TBC1D4: variants seen among roughly 807,000 people sequenced by gnomAD.
TBC1D4 encodes TBC1 domain family member 4, also known as TBC (Tre-2, BUB2, CDC16) domain-containing protein.
Under a neutral mutation model 142.5 loss-of-function variants are expected in TBC1D4, and 121 were observed. That is an observed-to-expected ratio of 0.85 (90% CI 0.73 to 0.99). The LOEUF (loss-of-function observed/expected upper bound fraction) is 0.99. Among genes scored for constraint, TBC1D4 ranks in the 50% least tolerant of loss-of-function variants. TBC1D4 has a pLI of 0.00. For missense variants in TBC1D4, 1,475 were observed against 1,606.6 expected (o/e 0.92, Z 1.40); for synonymous variants, 630 against 628.2 (o/e 1.00, Z -0.04).
At chr13:75,302,531 A>G in intron 15 of TBC1D4, 130 bp from the exon 16 acceptor site, 1 of 1,032,226 alleles carries the variant, frequency 9.7e-7, no homozygotes, top group Non-Finnish European at 1.5e-6. Flanking sequence ...AGACCACACA[A>G]TATAATTGAC....
At chr13:75,412,055 G>A (rs1885695597) in intron 1 of TBC1D4, among the ~76,000 whole-genome samples, 1 of 152,182 alleles carries the variant, frequency 6.6e-6, no homozygotes, top group Non-Finnish European at 1.5e-5. Flanking sequence ...GGACAGCAGT[G>A]TTCGCATGTC....
intron 5 of TBC1D4, among the ~76,000 whole-genome samples, chr13:75,347,824 G>T (rs1279372682): frequency 6.6e-6 from 1 of 152,126 alleles, no homozygotes; most frequent in Non-Finnish European, 1.5e-5. Context: ...AATTATAATT[G>T]TTTAAGCCTA....
Position 75,481,714 on chromosome 13 carries a change from G to C in TBC1D4, c.54C>G (p.Pro18=). 1 of 1,595,242 alleles carries C rather than the reference G, an allele frequency of 6.3e-7. No individual in the cohort carries two copies. Among genetic ancestry groups the C allele is most frequent in the Non-Finnish European group, 8.5e-7 (1 of 1,173,262 alleles). The part of the protein sequence containing the change: ...QDEPFPHPLE[P]EPGVSAQPGP... The stretch of plus-strand genomic sequence containing the variant: ...CGGGCTGAGCTGAGACGCCCGGCTC[G>C]GGCTCCAGGGGGTGCGGGAACGGCT... The change falls in exon 1 of 21, where the codon CCC becomes CCG. Residue 18 remains proline (P), a synonymous_variant. Transcript: ENST00000377636.
chr13:75,477,756 A>T (rs73539575), intron 1 of TBC1D4, among the ~76,000 whole-genome samples: 1 of 152,166 alleles, frequency 6.6e-6, no homozygotes, highest in African/African-American at 2.4e-5. Flanking sequence ...AGAGAATCAG[A>T]TATTCTTGTT....
At chr13:75,421,852 T>C (rs1165840075) in intron 1 of TBC1D4, among the ~76,000 whole-genome samples, 1 of 135,038 alleles carries the variant, frequency 7.4e-6, no homozygotes, top group Admixed American at 8.0e-5. Context: ...ACTTAATCAC[T>C]GATACTGAGA....
chr13:75,434,196 A>G (rs1886698297), intron 1 of TBC1D4, among the ~76,000 whole-genome samples: 1 of 152,198 alleles, frequency 6.6e-6, no homozygotes, highest in Non-Finnish European at 1.5e-5. Flanking sequence ...TTCTGCCACA[A>G]AGACACATGC....
intron 1 of TBC1D4, among the ~76,000 whole-genome samples, chr13:75,443,327 TTGAG>T (rs1180661644): frequency 4.6e-5 from 7 of 152,354 alleles, no homozygotes; most frequent in African/African-American, 1.2e-4. Flanking sequence ...TTTCATGTGT[TTGAG>T]TATTTTTGTT....
At chr13:75,365,757 T>C (rs2138188501) in intron 1 of TBC1D4, among the ~76,000 whole-genome samples, 1 of 152,284 alleles carries the variant, frequency 6.6e-6, no homozygotes. Context: ...AAGACTGAGT[T>C]GGGGGGATTT....
chr13:75,311,579 T>C (rs1877758268), intron 13 of TBC1D4, among the ~76,000 whole-genome samples: 1 of 152,218 alleles, frequency 6.6e-6, no homozygotes, highest in Non-Finnish European at 1.5e-5. Flanking sequence ...CTTGATTTTA[T>C]ATCAATATAT....
intron 1 of TBC1D4, among the ~76,000 whole-genome samples, chr13:75,385,346 T>C (rs1884104076): frequency 6.6e-6 from 1 of 152,206 alleles, no homozygotes; most frequent in Non-Finnish European, 1.5e-5. Flanking sequence ...GTTTGTGAAG[T>C]GAACTAACCA....
chr13:75,353,101 A>G (rs1566414825), intron 4 of TBC1D4, among the ~76,000 whole-genome samples: 1 of 152,220 alleles, frequency 6.6e-6, no homozygotes, highest in East Asian at 1.9e-4. Flanking sequence ...GGATTCTGAC[A>G]CAGCTTCAAG....
At chr13:75,469,561 A>G (rs1250678475) in intron 1 of TBC1D4, among the ~76,000 whole-genome samples, 1 of 152,204 alleles carries the variant, frequency 6.6e-6, no homozygotes, top group Non-Finnish European at 1.5e-5. Flanking sequence ...GCTTGAGCCC[A>G]GGAGTTTGAG....
intron 1 of TBC1D4, among the ~76,000 whole-genome samples, chr13:75,427,960 C>T (rs11618631): frequency 0.044 from 6,686 of 152,148 alleles, 180 homozygotes; most frequent in Non-Finnish European, 0.049. Flanking sequence ...AATTTATCAA[C>T]AGGAGGAAGG....
chr13:75,391,708 A>G (rs1884500810), intron 1 of TBC1D4, among the ~76,000 whole-genome samples: 1 of 152,126 alleles, frequency 6.6e-6, no homozygotes, highest in South Asian at 2.1e-4. Context: ...CCACTTAGTC[A>G]TTTCATGCAG....
intron 14 of TBC1D4, among the ~76,000 whole-genome samples, chr13:75,308,458 T>C (rs1272495335): frequency 2.6e-5 from 4 of 152,240 alleles, no homozygotes; most frequent in Non-Finnish European, 5.9e-5. Context: ...AGGTTAATTC[T>C]CTACCTTTCC....
At chr13:75,307,117 A>C (rs1357131291) in intron 14 of TBC1D4, among the ~76,000 whole-genome samples, 2 of 152,020 alleles carry the variant, frequency 1.3e-5, no homozygotes, top group Non-Finnish European at 2.9e-5. Context: ...GCGCCACTAC[A>C]CTTGGCTAAT....
intron 1 of TBC1D4, among the ~76,000 whole-genome samples, chr13:75,469,466 T>C (rs187016225): frequency 4.6e-5 from 7 of 152,192 alleles, no homozygotes; most frequent in Admixed American, 4.6e-4. Flanking sequence ...TGGAGAGCTG[T>C]GGACATACAA....
At chr13:75,398,731 A>T (rs879467401) in intron 1 of TBC1D4, among the ~76,000 whole-genome samples, 1 of 152,186 alleles carries the variant, frequency 6.6e-6, no homozygotes, top group Non-Finnish European at 1.5e-5. Flanking sequence ...TTTACAGTAT[A>T]AAGTAGCCTC....
chr13:75,481,615 C>T lies in TBC1D4; in HGVS notation c.153G>A (p.Thr51=), dbSNP rs749672172. The change falls in exon 1 of 21, where the codon ACG becomes ACA. Residue 51 remains threonine, a synonymous_variant. Coordinates refer to ENST00000377636, the MANE Select transcript of TBC1D4 (RefSeq NM_014832.5). ...CCATGAGCCAGGGCAGCATAGGCAG[C>T]GTGGTCCTGTGGTCCAGGCACGACC... ...VGGSCLDHRT[T]LPMLPWLMAE... 6.2e-7 allele frequency: 1 copy of T among 1,608,510 alleles called. No homozygotes were observed. Among genetic ancestry groups the T allele is most frequent in the South Asian group, 1.1e-5 (1 of 90,596 alleles).
Sources: gnomAD v4.1 joint callset for allele counts (sites outside exome capture counted in the v4.1 genomes callset) on GRCh38, gnomAD v4.1.1 for gene constraint, MANE v1.5 for transcripts, NCBI Gene and HGNC (gene_info 2026-07-23, HGNC 2026-07-21) for gene names.